The following GPC6 variants were observed in gnomAD, a reference collection of about 807,000 sequenced individuals.
GPC6 encodes glypican 6.
GPC6 carries 14 observed loss-of-function variants against 55.2 expected under a neutral mutation model. That is an observed-to-expected ratio of 0.25 (90% CI 0.17 to 0.40). The LOEUF is 0.40. Among genes scored for constraint, GPC6 ranks in the 10% least tolerant of loss-of-function variants. The pLI, the probability that GPC6 is intolerant of heterozygous loss-of-function variation, is 1.00. For missense variants in GPC6, 641 were observed against 708.5 expected (o/e 0.90, Z 1.08); for synonymous variants, 278 against 259.6 (o/e 1.07, Z -0.68).
At chr13:93,272,627 C>T (rs1311540949) in intron 1 of GPC6, among the ~76,000 whole-genome samples, 2 of 151,762 alleles carry the variant, frequency 1.3e-5, no homozygotes, top group East Asian at 3.9e-4. Context: ...TTAAATAATT[C>T]ATGTAAGATA....
intron 1 of GPC6, among the ~76,000 whole-genome samples, chr13:93,514,862 AAAAC>A (rs945203290): frequency 3.9e-5 from 6 of 152,196 alleles, no homozygotes; most frequent in African/African-American, 1.4e-4. Flanking sequence ...ACAAACAAAC[AAAAC>A]AAACAAACAA....
At chr13:94,098,966 C>T (rs1885756766) in intron 4 of GPC6, among the ~76,000 whole-genome samples, 1 of 152,098 alleles carries the variant, frequency 6.6e-6, no homozygotes. Flanking sequence ...TAAGAGAAGT[C>T]TGAAGCCGTT....
chr13:93,781,073 C>T lies in GPC6; in HGVS notation c.320-49081C>T, dbSNP rs569072565. Among the ~76,000 whole-genome samples, 111 of 151,738 alleles carry T rather than the reference C, an allele frequency of 7.3e-4. 1 individual carries two copies. The highest frequency in any genetic ancestry group is 2.4e-3 in the African/African-American group (100 of 41,422). ...CGGGTGGATCACAAGGTCCAGAGATCGAGACCATCCTGACCAACATGGTGA... is the reference window on the plus strand; with the variant it reads ...CGGGTGGATCACAAGGTCCAGAGATTGAGACCATCCTGACCAACATGGTGA... On this transcript the variant is annotated intron_variant, in intron 2 of 8. Coordinates refer to ENST00000377047, the MANE Select transcript of GPC6 (RefSeq NM_005708.5).
intron 4 of GPC6, among the ~76,000 whole-genome samples, chr13:94,200,897 A>G (rs1457124995): frequency 6.6e-6 from 1 of 152,204 alleles, no homozygotes; most frequent in Non-Finnish European, 1.5e-5. Context: ...GCGGAGTCCA[A>G]GTGGGATGAC....
chr13:93,879,916 A>C (rs1480281449), intron 3 of GPC6, among the ~76,000 whole-genome samples: 2 of 151,444 alleles, frequency 1.3e-5, no homozygotes, highest in Admixed American at 6.6e-5. Flanking sequence ...ACATGAACAG[A>C]CATTTCTCAA....
At chr13:93,283,914 AG>A (rs1878030731) in intron 1 of GPC6, among the ~76,000 whole-genome samples, 1 of 152,220 alleles carries the variant, frequency 6.6e-6, no homozygotes, top group South Asian at 2.1e-4. Context: ...AACAGGTTAC[AG>A]AAAGCCCACT....
chr13:93,409,635 TC>T (rs1876423262), intron 1 of GPC6, among the ~76,000 whole-genome samples: 1 of 152,208 alleles, frequency 6.6e-6, no homozygotes, highest in Admixed American at 6.6e-5. Context: ...TGTTCATACT[TC>T]AGCAAATCTC....
intron 4 of GPC6, among the ~76,000 whole-genome samples, chr13:94,240,142 T>TC (rs1891009688): frequency 6.6e-6 from 1 of 151,810 alleles, no homozygotes; most frequent in African/African-American, 2.4e-5. Flanking sequence ...CAAAAAAAGT[T>TC]CCCCCTCTCC....
intron 1 of GPC6, among the ~76,000 whole-genome samples, chr13:93,311,693 A>T (rs1013928985): frequency 6.6e-6 from 1 of 152,170 alleles, no homozygotes; most frequent in Admixed American, 6.5e-5. Context: ...TAATGATATA[A>T]ATAGAGAAAG....
chr13:93,944,163 CCTTTT>C (rs1281798815), intron 3 of GPC6, among the ~76,000 whole-genome samples: 183 of 150,208 alleles, frequency 1.2e-3, no homozygotes, highest in African/African-American at 4.4e-3. Flanking sequence ...CCAGTTTCTT[CCTTTT>C]ATTTTATTTA....
intron 1 of GPC6, among the ~76,000 whole-genome samples, chr13:93,439,474 A>G (rs1171873066): frequency 6.6e-6 from 1 of 152,054 alleles, no homozygotes; most frequent in Non-Finnish European, 1.5e-5. Flanking sequence ...CATGTAAGAC[A>G]TTCCTTGCTC....
intron 4 of GPC6, among the ~76,000 whole-genome samples, chr13:94,234,231 T>A (rs1455396101): frequency 1.3e-5 from 2 of 152,178 alleles, no homozygotes; most frequent in Non-Finnish European, 2.9e-5. Flanking sequence ...AATCATTCCA[T>A]TTATCCTTCT....
intron 6 of GPC6, among the ~76,000 whole-genome samples, chr13:94,312,247 T>A (rs1876285300): frequency 6.6e-6 from 1 of 152,198 alleles, no homozygotes; most frequent in Admixed American, 6.5e-5. Flanking sequence ...CATCGGTAGG[T>A]CACTGGTGAC....
At chr13:93,591,192 G>A (rs528879819) in intron 2 of GPC6, among the ~76,000 whole-genome samples, 71 of 151,234 alleles carry the variant, frequency 4.7e-4, no homozygotes, top group Middle Eastern at 7.0e-3. Flanking sequence ...TTTCGGGTGC[G>A]GTGGCTCATG....
chr13:93,591,264 C>A (rs917145259), intron 2 of GPC6, among the ~76,000 whole-genome samples: 1 of 151,716 alleles, frequency 6.6e-6, no homozygotes, highest in East Asian at 1.9e-4. Context: ...GATATCGAGC[C>A]CATCCTGGCT....
intron 3 of GPC6, among the ~76,000 whole-genome samples, chr13:93,960,882 G>A (rs1333080127): frequency 1.4e-5 from 2 of 144,274 alleles, no homozygotes; most frequent in South Asian, 2.2e-4. Flanking sequence ...GCGCAATCTC[G>A]ACTCACTGCA....
intron 4 of GPC6, among the ~76,000 whole-genome samples, chr13:94,275,626 A>G (rs561383070): frequency 1.3e-5 from 2 of 152,330 alleles, no homozygotes; most frequent in South Asian, 2.1e-4. Context: ...AAAATCCACC[A>G]TGAATGAAGA....
At chr13:94,196,553 G>T (rs962951463) in intron 4 of GPC6, among the ~76,000 whole-genome samples, 1 of 152,290 alleles carries the variant, frequency 6.6e-6, no homozygotes, top group African/African-American at 2.4e-5. Flanking sequence ...TCAAGGCTGT[G>T]TCTTGCATTA....
At chr13:93,566,899 C>CT (rs1876151729) in intron 2 of GPC6, among the ~76,000 whole-genome samples, 1 of 152,090 alleles carries the variant, frequency 6.6e-6, no homozygotes, top group African/African-American at 2.4e-5. Context: ...TGAACTCATT[C>CT]TTTTTTACGG....
Sources: gnomAD v4.1 joint callset for allele counts (sites outside exome capture counted in the v4.1 genomes callset) on GRCh38, gnomAD v4.1.1 for gene constraint, MANE v1.5 for transcripts, NCBI Gene and HGNC (gene_info 2026-07-23, HGNC 2026-07-21) for gene names.